The following TAF4B variants were observed in gnomAD, a reference collection of about 807,000 sequenced individuals.
The protein encoded by TAF4B is TATA-box binding protein associated factor 4b, also known as transcription initiation factor TFIID subunit 4B.
Under a neutral mutation model 86.4 loss-of-function variants are expected in TAF4B, and 38 were observed. That is an observed-to-expected ratio of 0.44 (90% CI 0.34 to 0.58). TAF4B has a LOEUF of 0.58. Ranked by LOEUF, TAF4B falls within the 20% of genes least tolerant of loss-of-function variation. TAF4B has a pLI of 0.02. For synonymous variants in TAF4B, 388 were observed against 391.2 expected, an observed-to-expected ratio of 0.99 and a Z score of 0.10; for missense variants, 988 against 1,027.6, an observed-to-expected ratio of 0.96 and a Z score of 0.53.
chr18:26,280,929 TA>T (rs2056440764), intron 5 of TAF4B, among the ~76,000 whole-genome samples: 2 of 152,096 alleles, frequency 1.3e-5, no homozygotes, highest in Non-Finnish European at 1.5e-5. Context: ...GTTGGATAAA[TA>T]AAAAGTGGTA....
At chr18:26,372,796 C>T (rs952058285) in intron 14 of TAF4B, among the ~76,000 whole-genome samples, 1 of 151,016 alleles carries the variant, frequency 6.6e-6, no homozygotes, top group Admixed American at 6.6e-5. Flanking sequence ...CAGTGAAACC[C>T]CGTCTCTACT....
At chr18:26,315,009 A>T (rs1437497998) in intron 9 of TAF4B, among the ~76,000 whole-genome samples, 1 of 151,710 alleles carries the variant, frequency 6.6e-6, no homozygotes, top group African/African-American at 2.4e-5. Flanking sequence ...AAAGGTAGCC[A>T]TTCTTCACTT....
intron 5 of TAF4B, among the ~76,000 whole-genome samples, chr18:26,277,856 TC>T (rs2056401343): frequency 6.6e-6 from 1 of 152,242 alleles, no homozygotes; most frequent in Admixed American, 6.5e-5. Context: ...AATAACATGC[TC>T]ATTAAATTCA....
intron 1 of TAF4B, among the ~76,000 whole-genome samples, chr18:26,228,437 T>C (rs2055612556): frequency 6.6e-6 from 1 of 152,160 alleles, no homozygotes; most frequent in South Asian, 2.1e-4. Context: ...GTATGTAAAA[T>C]TGTTAAGGCA....
chr18:26,294,820 A>G (rs1477068565), intron 9 of TAF4B, among the ~76,000 whole-genome samples: 3 of 150,248 alleles, frequency 2.0e-5, no homozygotes, highest in Non-Finnish European at 3.0e-5. Flanking sequence ...GACGATTAAG[A>G]AAAAGGGCAA....
chr18:26,265,218 C>T lies in TAF4B; in HGVS notation c.392C>T (p.Pro131Leu). The change falls in exon 2 of 15, where the codon CCT becomes CTT. Residue 131 changes from proline (P) to leucine (L), a missense_variant. Pro to Leu is a moderately conservative substitution (Grantham distance 98, BLOSUM62 -3). This residue lies in a region of TAF4B where 747 missense variants were observed against 737.9 expected (regional missense o/e 1.01). Coordinates refer to ENST00000269142, the MANE Select transcript of TAF4B (RefSeq NM_005640.3). ...AGTGGTCCGTTGATGTTGGTATCTC[C>T]TCAGCAAACTGTAACAAGAGCCGAG... is the stretch of plus-strand genomic sequence containing the variant. ...SNSGPLMLVS[P>L]QQTVTRAETT... 2 of 1,613,966 alleles carry T rather than the reference C, an allele frequency of 1.2e-6. No individual in the cohort carries two copies. The highest frequency in any genetic ancestry group is 2.2e-5 in the South Asian group (2 of 91,038).
chr18:26,339,886 C>T (rs2144705010), intron 13 of TAF4B, among the ~76,000 whole-genome samples: 1 of 152,292 alleles, frequency 6.6e-6, no homozygotes, highest in South Asian at 2.1e-4. Flanking sequence ...TCTTCTTTCT[C>T]CTTTGGGAAA....
chr18:26,315,146 G>GTCTGTC (rs2056893883), intron 9 of TAF4B, 83 bp from the exon 10 acceptor site: 1 of 146,728 alleles, frequency 6.8e-6, no homozygotes, highest in Non-Finnish European at 1.1e-5. Context: ...CTCTCTCTCT[G>GTCTGTC]TCTCTCTCTC....
intron 9 of TAF4B, among the ~76,000 whole-genome samples, chr18:26,305,474 C>A (rs1370767385): frequency 6.6e-6 from 1 of 152,214 alleles, no homozygotes; most frequent in Non-Finnish European, 1.5e-5. Flanking sequence ...GTGGTGCGAT[C>A]TCAGCTCACC....
chr18:26,369,940 C>G (rs2057396014), intron 14 of TAF4B, among the ~76,000 whole-genome samples: 1 of 152,158 alleles, frequency 6.6e-6, no homozygotes, highest in Non-Finnish European at 1.5e-5. Context: ...CTAATCAGAT[C>G]TAACAGCAAT....
chr18:26,233,046 T>C (rs1056294097), intron 1 of TAF4B, among the ~76,000 whole-genome samples: 1 of 152,164 alleles, frequency 6.6e-6, no homozygotes, highest in East Asian at 1.9e-4. Flanking sequence ...CAGGTGCCTG[T>C]CTAGTTGGTG....
At chr18:26,373,538 A>G (rs1567928165) in intron 14 of TAF4B, among the ~76,000 whole-genome samples, 1 of 152,226 alleles carries the variant, frequency 6.6e-6, no homozygotes, top group Admixed American at 6.5e-5. Flanking sequence ...GGTTATCTAA[A>G]AAAATGTTTT....
intron 11 of TAF4B, among the ~76,000 whole-genome samples, chr18:26,325,562 G>C (rs1298824296): frequency 6.6e-6 from 1 of 152,156 alleles, no homozygotes; most frequent in African/African-American, 2.4e-5. Context: ...AGTTGGGGGA[G>C]AGAGAGGAAG....
intron 1 of TAF4B, among the ~76,000 whole-genome samples, chr18:26,261,495 C>T (rs1423655567): frequency 4.6e-5 from 7 of 152,198 alleles, no homozygotes; most frequent in East Asian, 1.9e-4. Flanking sequence ...CCACTGCGCC[C>T]GGCCAGCACT....
chr18:26,295,004 G>A (rs1028655104), intron 9 of TAF4B, among the ~76,000 whole-genome samples: 5 of 149,288 alleles, frequency 3.3e-5, no homozygotes, highest in Non-Finnish European at 5.9e-5. Context: ...TCCAGGAAAT[G>A]AATAAACATG....
chr18:26,259,509 C>T (rs988439349), intron 1 of TAF4B, among the ~76,000 whole-genome samples: 4 of 151,968 alleles, frequency 2.6e-5, no homozygotes. Context: ...GTTCAATTCC[C>T]ACCTATGAGT....
chr18:26,366,567 AG>A (rs1476284030), intron 14 of TAF4B, among the ~76,000 whole-genome samples: 1 of 152,222 alleles, frequency 6.6e-6, no homozygotes, highest in Admixed American at 6.5e-5. Context: ...GCTTAAAGCA[AG>A]GGGTATAGAT....
intron 1 of TAF4B, among the ~76,000 whole-genome samples, chr18:26,249,384 G>T (rs2055970178): frequency 6.6e-6 from 1 of 152,006 alleles, no homozygotes; most frequent in Non-Finnish European, 1.5e-5. Context: ...TGGGAGGAGA[G>T]GCTTGAGAAT....
chr18:26,264,325 C>G (rs969396796), intron 1 of TAF4B, among the ~76,000 whole-genome samples: 3 of 152,150 alleles, frequency 2.0e-5, no homozygotes, highest in Admixed American at 6.5e-5. Flanking sequence ...CCTGTAATCC[C>G]AGCTACTGGG....
Sources: gnomAD v4.1 joint callset for allele counts (sites outside exome capture counted in the v4.1 genomes callset) on GRCh38, gnomAD v4.1.1 for gene constraint, gnomAD v4.1.1 regional missense constraint, MANE v1.5 for transcripts, NCBI Gene and HGNC (gene_info 2026-07-23, HGNC 2026-07-21) for gene names.